Variants in ZFAND6 observed in about 807,000 individuals in gnomAD.
ZFAND6 encodes the protein zinc finger AN1-type containing 6, also known as AN1-type zinc finger protein 6.
In ZFAND6, 12 loss-of-function variants were observed where a neutral mutation model predicts 24.5. The ratio of observed to expected loss-of-function variants is 0.49; its 90% CI spans 0.31 to 0.79. The LOEUF is 0.79. ZFAND6 is among the 30% of genes least tolerant of loss of function. The pLI is 0.04. For synonymous variants in ZFAND6, 92 were observed against 81.5 expected (o/e 1.13, Z -0.69); for missense variants, 207 against 245.9 (o/e 0.84, Z 1.06).
At chr15:80,132,941 T>TA (rs3974671) in intron 6 of ZFAND6, among the ~76,000 whole-genome samples, 3,620 of 145,296 alleles carry the variant, frequency 0.025, 66 homozygotes, top group African/African-American at 0.047. Flanking sequence ...GGACTATTGT[T>TA]AAAAAAAAAA....
intron 5 of ZFAND6, among the ~76,000 whole-genome samples, chr15:80,124,333 T>C (rs1482258258): frequency 6.6e-6 from 1 of 151,726 alleles, no homozygotes; most frequent in South Asian, 2.1e-4. Flanking sequence ...CTGGGGAGGC[T>C]GAGGCAGGAG....
chr15:80,101,273 C>T (rs1407506025), intron 2 of ZFAND6, among the ~76,000 whole-genome samples: 1 of 152,050 alleles, frequency 6.6e-6, no homozygotes, highest in Non-Finnish European at 1.5e-5. Context: ...CCAGCCTGGC[C>T]AACATAATGA....
At chr15:80,080,539 C>G (rs1193947965) in intron 1 of ZFAND6, among the ~76,000 whole-genome samples, 1 of 152,196 alleles carries the variant, frequency 6.6e-6, no homozygotes, top group Non-Finnish European at 1.5e-5. Flanking sequence ...ATCTCCCTCC[C>G]TCTTTCTCTC....
intron 1 of ZFAND6, among the ~76,000 whole-genome samples, chr15:80,078,904 A>G (rs1379989205): frequency 1.4e-5 from 2 of 146,216 alleles, no homozygotes; most frequent in Non-Finnish European, 3.0e-5. Flanking sequence ...TATTATTATT[A>G]TACTTTAAGT....
intron 1 of ZFAND6, among the ~76,000 whole-genome samples, chr15:80,080,771 A>G (rs1215326061): frequency 6.6e-6 from 1 of 152,224 alleles, no homozygotes; most frequent in East Asian, 1.9e-4. Context: ...GCTTACAATC[A>G]CTGCGGAAGC....
intron 6 of ZFAND6, among the ~76,000 whole-genome samples, chr15:80,136,423 C>T (rs1401341261): frequency 6.6e-6 from 1 of 151,928 alleles, no homozygotes; most frequent in Non-Finnish European, 1.5e-5. Flanking sequence ...CGAGATCATG[C>T]CACTGCACTG....
At chr15:80,121,046 G>A (rs1027576842) in intron 3 of ZFAND6, among the ~76,000 whole-genome samples, 2 of 152,158 alleles carry the variant, frequency 1.3e-5, no homozygotes, top group African/African-American at 2.4e-5. Context: ...AGTTGTATAA[G>A]AAGGATCATG....
At chr15:80,069,198 C>T (rs1242725291) in intron 1 of ZFAND6, among the ~76,000 whole-genome samples, 1 of 152,110 alleles carries the variant, frequency 6.6e-6, no homozygotes, top group African/African-American at 2.4e-5. Context: ...ATGTCTAGCA[C>T]TTTTTCTTAG....
rs9302291 is a variant in ZFAND6 at position 80,064,607 on chromosome 15, T to TAC, written c.-181+4819_-181+4820dup. On this transcript the variant is annotated intron_variant, in intron 1 of 6. Transcript: ENST00000261749. ...ACAAATATATATACACATGTATACA[T>TAC]ACACACACACACACACACACACGTA... is the stretch of plus-strand genomic sequence containing the variant. Among the ~76,000 whole-genome samples, 1,415 of 150,694 alleles carry TAC rather than the reference T, an allele frequency of 9.4e-3. 15 individuals are homozygous for TAC. The highest frequency in any genetic ancestry group is 0.028 in the African/African-American group (1,158 of 41,064).
intron 2 of ZFAND6, among the ~76,000 whole-genome samples, chr15:80,106,512 T>A (rs1407206621): frequency 6.6e-6 from 1 of 152,056 alleles, no homozygotes; most frequent in Non-Finnish European, 1.5e-5. Flanking sequence ...AGAAAAAATT[T>A]GCCAGCCCTA....
At position 80,136,024 on chromosome 15, in the gene ZFAND6, G is replaced by T. The variant is rs1025348754; in HGVS notation, c.479-1456G>T. On this transcript the variant is annotated intron_variant, in intron 6 of 6. Transcript: ENST00000261749. ...GCCTGTAGTCCCAGCTACTCAGAAG[G>T]CTGAGGTGGAAGGATTGCTTGAGCC... 3.9e-5 allele frequency among the ~76,000 whole-genome samples: 6 copies of T among 152,106 alleles called. No individual in the cohort carries two copies. In the East Asian group the frequency reaches 1.2e-3, roughly 29 times the overall value.
At chr15:80,094,170 T>C (rs996577690) in intron 1 of ZFAND6, among the ~76,000 whole-genome samples, 4 of 152,234 alleles carry the variant, frequency 2.6e-5, no homozygotes, top group African/African-American at 7.2e-5. Flanking sequence ...TTCAAATTTA[T>C]GGAAGGTTAA....
At chr15:80,127,825 C>T (rs144764152) in intron 5 of ZFAND6, among the ~76,000 whole-genome samples, 2 of 152,206 alleles carry the variant, frequency 1.3e-5, no homozygotes, top group African/African-American at 4.8e-5. Flanking sequence ...TGTCATATGA[C>T]CCAGCATTTT....
chr15:80,072,187 T>TA (rs921632502), intron 1 of ZFAND6, among the ~76,000 whole-genome samples: 1 of 152,088 alleles, frequency 6.6e-6, no homozygotes, highest in Middle Eastern at 3.2e-3. Context: ...TGAACTCTAT[T>TA]AAAAATAATC....
intron 1 of ZFAND6, among the ~76,000 whole-genome samples, chr15:80,081,485 A>AGT (rs1211995759): frequency 6.6e-6 from 1 of 152,256 alleles, no homozygotes; most frequent in Non-Finnish European, 1.5e-5. Context: ...AGGACTGCAG[A>AGT]GTACCGTATT....
intron 6 of ZFAND6, among the ~76,000 whole-genome samples, chr15:80,133,945 G>A (rs2040737675): frequency 6.6e-6 from 1 of 151,298 alleles, no homozygotes; most frequent in Admixed American, 6.6e-5. Context: ...CCTGAAATCA[G>A]AAAGTATCTT....
chr15:80,087,715 AATTTAT>A (rs1247722966), intron 1 of ZFAND6, among the ~76,000 whole-genome samples: 3 of 152,202 alleles, frequency 2.0e-5, no homozygotes, highest in South Asian at 4.1e-4. Flanking sequence ...TGTAACTTTT[AATTTAT>A]ATTTATTTTC....
intron 6 of ZFAND6, among the ~76,000 whole-genome samples, chr15:80,134,730 CAGA>C (rs1020822003): frequency 8.5e-5 from 13 of 152,270 alleles, no homozygotes; most frequent in South Asian, 4.1e-4. Context: ...GAAGAATTAA[CAGA>C]AGATGACTTG....
chr15:80,100,982 C>T (rs764551570), intron 2 of ZFAND6, among the ~76,000 whole-genome samples: 8 of 152,120 alleles, frequency 5.3e-5, no homozygotes, highest in Non-Finnish European at 1.0e-4. Flanking sequence ...AGTGAATCAT[C>T]AGTGCTTGCA....
Sources: gnomAD v4.1 joint callset for allele counts (sites outside exome capture counted in the v4.1 genomes callset) on GRCh38, gnomAD v4.1.1 for gene constraint, MANE v1.5 for transcripts, NCBI Gene and HGNC (gene_info 2026-07-23, HGNC 2026-07-21) for gene names.